The following UMAD1 variants were observed in gnomAD, a reference collection of about 807,000 sequenced individuals.
The protein encoded by UMAD1 is UBAP1-MVB12-associated (UMA)-domain containing protein 1.
UMAD1 carries 8 observed loss-of-function variants against 6.1 expected under a neutral mutation model. The observed-to-expected ratio is 1.30, with a 90% confidence interval of 0.76 to 2.35. UMAD1 has a LOEUF of 2.35. Ranked by LOEUF, UMAD1 falls within the 30% of genes most tolerant of loss-of-function variation. The pLI, the probability that UMAD1 is intolerant of heterozygous loss-of-function variation, is 0.00. For missense variants in UMAD1, 130 were observed against 78.4 expected, an observed-to-expected ratio of 1.66 and a Z score of -2.49; for synonymous variants, 56 against 31.4, an observed-to-expected ratio of 1.78 and a Z score of -2.61.
chr7:7,843,719 T>G (rs1310152029), intron 3 of UMAD1, among the ~76,000 whole-genome samples: 1 of 152,200 alleles, frequency 6.6e-6, no homozygotes, highest in African/African-American at 2.4e-5. Flanking sequence ...TTTTCTGCAG[T>G]GAGGATTCCT....
intron 2 of UMAD1, among the ~76,000 whole-genome samples, chr7:7,694,047 A>G (rs1344485056): frequency 6.6e-6 from 1 of 152,192 alleles, no homozygotes; most frequent in Non-Finnish European, 1.5e-5. Flanking sequence ...GAGTCATTAG[A>G]CACTTGAACA....
intron 1 of UMAD1, among the ~76,000 whole-genome samples, chr7:7,643,953 G>T (rs1785036870): frequency 6.6e-6 from 1 of 152,120 alleles, no homozygotes; most frequent in Non-Finnish European, 1.5e-5. Context: ...GACTGAAGTT[G>T]CTACTGACCC....
At chr7:7,831,880 T>G (rs1442760248) in intron 3 of UMAD1, among the ~76,000 whole-genome samples, 1 of 152,210 alleles carries the variant, frequency 6.6e-6, no homozygotes, top group African/African-American at 2.4e-5. Context: ...TGTAGTGTCA[T>G]ATTTTCAAAG....
At chr7:7,728,527 C>G (rs753798000) in intron 2 of UMAD1, among the ~76,000 whole-genome samples, 1 of 151,814 alleles carries the variant, frequency 6.6e-6, no homozygotes, top group African/African-American at 2.4e-5. Context: ...ACCTGTAGTC[C>G]GAGCTACTCA....
chr7:7,722,368 C>T (rs150754239), intron 2 of UMAD1, among the ~76,000 whole-genome samples: 6 of 152,000 alleles, frequency 3.9e-5, no homozygotes, highest in Non-Finnish European at 5.9e-5. Flanking sequence ...CCCAATAATG[C>T]GAAGGACTCT....
intron 1 of UMAD1, among the ~76,000 whole-genome samples, chr7:7,662,057 C>A (rs186888965): frequency 1.3e-5 from 2 of 152,176 alleles, no homozygotes; most frequent in African/African-American, 4.8e-5. Flanking sequence ...CTTTGCTGAG[C>A]TGTGGAGGGC....
At chr7:7,780,356 C>G (rs1271971384) in intron 2 of UMAD1, among the ~76,000 whole-genome samples, 1 of 152,196 alleles carries the variant, frequency 6.6e-6, no homozygotes, top group Non-Finnish European at 1.5e-5. Context: ...TTCCTTCTAG[C>G]AATTTTCCTA....
At chr7:7,796,223 T>C (rs952634565) in intron 2 of UMAD1, among the ~76,000 whole-genome samples, 1 of 150,996 alleles carries the variant, frequency 6.6e-6, no homozygotes, top group Non-Finnish European at 1.5e-5. Context: ...GGCTGTACTT[T>C]GACCCATTTC....
At chr7:7,665,329 A>G (rs1225162392) in intron 1 of UMAD1, among the ~76,000 whole-genome samples, 4 of 152,230 alleles carry the variant, frequency 2.6e-5, no homozygotes, top group Non-Finnish European at 5.9e-5. Flanking sequence ...CAGTCTGTGT[A>G]TACCATTAAA....
intron 1 of UMAD1, among the ~76,000 whole-genome samples, chr7:7,672,623 C>A (rs1381316604): frequency 1.3e-5 from 2 of 152,140 alleles, no homozygotes; most frequent in Non-Finnish European, 2.9e-5. Flanking sequence ...CTCATGAGAT[C>A]TGATGGTTTT....
At position 7,877,774 on chromosome 7, in the gene UMAD1, G is replaced by C. The variant is rs1010488627; in HGVS notation, c.*236G>C. 2.1e-6 allele frequency: 1 copy of C among 467,944 alleles called. No homozygotes were observed. The highest frequency in any genetic ancestry group is 3.8e-6 in the Non-Finnish European group (1 of 263,078). 29.0% of individuals were successfully genotyped at this position (467,944 alleles called of 1,614,324 possible). ...ATAAATATACAAATTAGGCTATGAA[G>C]GTTTTAGGAAAGGACTCGATTCCTT... On this transcript the variant is annotated 3_prime_UTR_variant, in exon 4 of 4. Coordinates refer to ENST00000682710, the MANE Select transcript of UMAD1 (RefSeq NM_001302348.2).
At chr7:7,749,402 G>A (rs1781636557) in intron 2 of UMAD1, among the ~76,000 whole-genome samples, 1 of 152,158 alleles carries the variant, frequency 6.6e-6, no homozygotes, top group Non-Finnish European at 1.5e-5. Flanking sequence ...TCTTCTGTGG[G>A]TTTGAACTGT....
At chr7:7,853,169 A>G (rs1783951525) in intron 3 of UMAD1, among the ~76,000 whole-genome samples, 1 of 152,232 alleles carries the variant, frequency 6.6e-6, no homozygotes, top group African/African-American at 2.4e-5. Flanking sequence ...AGGACATTTA[A>G]TCGATTTCAT....
intron 2 of UMAD1, among the ~76,000 whole-genome samples, chr7:7,714,268 A>G (rs1197954462): frequency 6.6e-6 from 1 of 152,256 alleles, no homozygotes; most frequent in African/African-American, 2.4e-5. Context: ...ACTTTTCTAT[A>G]AATCCTTGGA....
chr7:7,705,876 T>G (rs2115162418), intron 2 of UMAD1, among the ~76,000 whole-genome samples: 1 of 152,078 alleles, frequency 6.6e-6, no homozygotes, highest in Non-Finnish European at 1.5e-5. Flanking sequence ...TGGGGGAGGG[T>G]GTGCATGTGT....
intron 2 of UMAD1, among the ~76,000 whole-genome samples, chr7:7,783,400 T>G (rs4725028): frequency 0.79 from 117,960 of 149,274 alleles, 46,150 homozygotes; most frequent in Admixed American, 0.83. Context: ...GAAGTTGTTT[T>G]TTTTTTTTTT....
intron 2 of UMAD1, among the ~76,000 whole-genome samples, chr7:7,709,671 A>G (rs1472142995): frequency 2.0e-5 from 3 of 152,236 alleles, no homozygotes; most frequent in Non-Finnish European, 4.4e-5. Context: ...ACAATTTATA[A>G]TAACTGTTTT....
chr7:7,857,087 T>A (rs1784032363), intron 3 of UMAD1, among the ~76,000 whole-genome samples: 1 of 152,230 alleles, frequency 6.6e-6, no homozygotes, highest in Non-Finnish European at 1.5e-5. Flanking sequence ...TAGGTTTTAG[T>A]TCAAAGCAAT....
chr7:7,816,175 A>G (rs1272908161), intron 3 of UMAD1, among the ~76,000 whole-genome samples: 1 of 72,948 alleles, frequency 1.4e-5, no homozygotes, highest in East Asian at 3.3e-4. Context: ...AACAATACCC[A>G]TTTCCCAAGG....
Sources: allele counts gnomAD v4.1 joint callset (sites outside exome capture counted in the v4.1 genomes callset), GRCh38; gene constraint gnomAD v4.1.1; transcripts MANE v1.5; gene names NCBI Gene and HGNC (gene_info 2026-07-23, HGNC 2026-07-21).